ZMYM2: variants seen among roughly 807,000 people sequenced by gnomAD.
The protein encoded by ZMYM2 is zinc finger MYM-type containing 2, also known as zinc finger MYM-type protein 2.
ZMYM2 carries 56 observed loss-of-function variants against 162.8 expected under a neutral mutation model. The observed-to-expected ratio is 0.34, with a 90% confidence interval of 0.28 to 0.43. ZMYM2 has a LOEUF of 0.43. ZMYM2 is among the 20% of genes least tolerant of loss of function. The probability of loss-of-function intolerance (pLI) is 1.00; values close to 1 mark genes in which losing one functional copy is unlikely to be tolerated. For missense variants in ZMYM2, 1,275 were observed against 1,621.8 expected (o/e 0.79, Z 3.67); for synonymous variants, 510 against 541.6 (o/e 0.94, Z 0.81).
chr13:20,046,615 ATGTG>A (rs1566387888), intron 12 of ZMYM2, among the ~76,000 whole-genome samples: 7 of 95,636 alleles, frequency 7.3e-5, no homozygotes, highest in Middle Eastern at 5.4e-3. Flanking sequence ...GTGTATATAT[ATGTG>A]TATATATATG....
chr13:19,924,058 A>G, the ZMYM2 span, among the ~76,000 whole-genome samples: 1 of 152,038 alleles, frequency 6.6e-6, no homozygotes, highest in African/African-American at 2.4e-5. Context: ...CTTTGTAACT[A>G]TCATAACATT....
chr13:20,037,742 T>C (rs1467988442), intron 12 of ZMYM2, among the ~76,000 whole-genome samples: 2 of 152,212 alleles, frequency 1.3e-5, no homozygotes, highest in African/African-American at 2.4e-5. Flanking sequence ...AAACCCACTT[T>C]AAAAATTTAA....
chr13:19,944,411 A>G, the ZMYM2 span, among the ~76,000 whole-genome samples: 1 of 152,206 alleles, frequency 6.6e-6, no homozygotes, highest in Admixed American at 6.5e-5. Context: ...TGAATATTAT[A>G]CAGTCCTGAA....
chr13:19,884,677 G>A, the ZMYM2 span, among the ~76,000 whole-genome samples: 1 of 152,064 alleles, frequency 6.6e-6, no homozygotes, highest in Non-Finnish European at 1.5e-5. Context: ...CTTAAAAGTA[G>A]CACGTCCGGA....
chr13:20,066,888 A>G lies in ZMYM2; in HGVS notation c.3170A>G (p.His1057Arg). The change falls in exon 20 of 25, where the codon CAT becomes CGT. Residue 1057 changes from histidine (H) to arginine (R), a missense_variant. This residue lies in a region of ZMYM2 where 229 missense variants were observed against 283.8 expected (regional missense o/e 0.81). Coordinates refer to ENST00000610343, the MANE Select transcript of ZMYM2 (RefSeq NM_197968.4). The part of the protein sequence containing the change: ...KRKAVSGYQS[H>R]DDSSDNSECS... ...AAGGCTGTATCAGGATACCAGTCTC[A>G]TGATGATAGTTCTGACAATTCAGAA... 1 of 1,611,574 alleles carries G rather than the reference A, an allele frequency of 6.2e-7. No homozygotes were observed. The highest frequency in any genetic ancestry group is 8.5e-7 in the Non-Finnish European group (1 of 1,178,720).
the ZMYM2 span, among the ~76,000 whole-genome samples, chr13:19,941,983 T>C: frequency 0.98 from 149,490 of 151,994 alleles, 73,563 homozygotes; most frequent in Middle Eastern, 1. Context: ...TGAGCTCAAG[T>C]GATCCTGCTG....
chr13:19,984,714 A>G (rs546432915), intron 2 of ZMYM2, among the ~76,000 whole-genome samples: 6 of 152,304 alleles, frequency 3.9e-5, no homozygotes, highest in South Asian at 4.1e-4. Flanking sequence ...CATTATTTCT[A>G]TGATATGTAG....
At chr13:19,927,860 C>T in the ZMYM2 span, among the ~76,000 whole-genome samples, 1 of 152,144 alleles carries the variant, frequency 6.6e-6, no homozygotes, top group African/African-American at 2.4e-5. Flanking sequence ...TAATATTTCA[C>T]TATAGTCTGA....
At chr13:19,977,770 A>T (rs1302923195) in intron 2 of ZMYM2, among the ~76,000 whole-genome samples, 2 of 151,156 alleles carry the variant, frequency 1.3e-5, no homozygotes, top group Non-Finnish European at 2.9e-5. Context: ...GATTACAGTC[A>T]TGAGCCACCG....
the ZMYM2 span, among the ~76,000 whole-genome samples, chr13:19,921,627 A>T: frequency 2.4e-3 from 361 of 152,232 alleles, 1 homozygote; most frequent in East Asian, 0.011. Context: ...CTTATTTTTT[A>T]AAAAAATTGT....
chr13:20,013,055 A>T (rs1830654444), intron 6 of ZMYM2, among the ~76,000 whole-genome samples: 1 of 152,216 alleles, frequency 6.6e-6, no homozygotes, highest in Admixed American at 6.5e-5. Flanking sequence ...TAGTATTGAC[A>T]TCTTAGCAAT....
chr13:19,955,550 A>C (rs140261818), upstream of ZMYM2, among the ~76,000 whole-genome samples: 174 of 152,276 alleles, frequency 1.1e-3, 1 homozygote, highest in Middle Eastern at 0.017. Flanking sequence ...ATTAACGGTG[A>C]GCTCTTGGTC....
intron 6 of ZMYM2, among the ~76,000 whole-genome samples, chr13:20,010,788 G>A (rs376354428): frequency 6.6e-6 from 1 of 151,448 alleles, no homozygotes; most frequent in Non-Finnish European, 1.5e-5. Flanking sequence ...GTACAGGTGC[G>A]TGCCACCACA....
chr13:19,949,481 C>T, the ZMYM2 span, among the ~76,000 whole-genome samples: 1 of 152,010 alleles, frequency 6.6e-6, no homozygotes, highest in Non-Finnish European at 1.5e-5. Flanking sequence ...GTAGTCCTAG[C>T]AGTCGGGAAG....
chr13:19,973,726 A>G (rs1247940440), intron 2 of ZMYM2, among the ~76,000 whole-genome samples: 2 of 151,560 alleles, frequency 1.3e-5, no homozygotes, highest in Non-Finnish European at 2.9e-5. Flanking sequence ...AAAAAAACCC[A>G]ACACAATACC....
At chr13:19,974,478 CTTT>C (rs796692110) in intron 2 of ZMYM2, among the ~76,000 whole-genome samples, 3 of 141,196 alleles carry the variant, frequency 2.1e-5, no homozygotes, top group Admixed American at 1.4e-4. Flanking sequence ...TATCCTTCTA[CTTT>C]TTTTTTTTTT....
Position 20,022,501 on chromosome 13 carries a change from G to GT in ZMYM2, c.1584+2886dup, listed in dbSNP as rs904333820. Among the ~76,000 whole-genome samples the GT allele has an allele frequency of 7.2e-4, 109 of 152,108 alleles. 1 individual carries two copies. Among genetic ancestry groups the GT allele is most frequent in the African/African-American group, 2.2e-3 (93 of 41,424 alleles). On this transcript the variant is annotated intron_variant, in intron 7 of 24. Coordinates refer to ENST00000610343, the MANE Select transcript of ZMYM2 (RefSeq NM_197968.4). ...AGTTGCTATTTTTCCCTCTGTATCT[G>GT]TTTAAGTTAAGCAAACTTTTCACCC...
the ZMYM2 span, among the ~76,000 whole-genome samples, chr13:19,889,656 C>T: frequency 6.6e-6 from 1 of 151,872 alleles, no homozygotes; most frequent in African/African-American, 2.4e-5. Context: ...CTTCCTCCTG[C>T]ACAGATGCTG....
chr13:19,902,312 T>A, the ZMYM2 span, among the ~76,000 whole-genome samples: 2 of 152,134 alleles, frequency 1.3e-5, no homozygotes, highest in African/African-American at 4.8e-5. Flanking sequence ...ATTCTAGAGA[T>A]CTGTTACAAA....
Sources: gnomAD v4.1 joint callset for allele counts (sites outside exome capture counted in the v4.1 genomes callset) on GRCh38, gnomAD v4.1.1 for gene constraint, gnomAD v4.1.1 regional missense constraint, MANE v1.5 for transcripts, NCBI Gene and HGNC (gene_info 2026-07-23, HGNC 2026-07-21) for gene names.